The following VIPR2 variants were observed in gnomAD, a reference collection of about 807,000 sequenced individuals.
VIPR2 encodes vasoactive intestinal polypeptide receptor 2.
VIPR2 carries 48 observed loss-of-function variants against 58.0 expected under a neutral mutation model. That is an observed-to-expected ratio of 0.83 (90% CI 0.66 to 1.05). The LOEUF (loss-of-function observed/expected upper bound fraction) is 1.05. Among genes scored for constraint, VIPR2 ranks in the 50% least tolerant of loss-of-function variants. The pLI, the probability that VIPR2 is intolerant of heterozygous loss-of-function variation, is 0.00. For missense variants in VIPR2, 534 were observed against 558.0 expected (o/e 0.96, Z 0.43); for synonymous variants, 243 against 235.2 (o/e 1.03, Z -0.30).
chr7:159,059,762 A>G (rs1243578052), intron 4 of VIPR2, among the ~76,000 whole-genome samples: 1 of 135,068 alleles, frequency 7.4e-6, no homozygotes, highest in Non-Finnish European at 1.7e-5. Flanking sequence ...CAACTTATCT[A>G]ACCCGTACTC....
At chr7:159,041,008 C>T (rs770591044) in intron 6 of VIPR2, among the ~76,000 whole-genome samples, 2 of 152,258 alleles carry the variant, frequency 1.3e-5, no homozygotes, top group South Asian at 2.1e-4. Context: ...CAGAGCTTGA[C>T]TTGGGGCACT....
At chr7:159,061,200 G>T (rs1037253800) in intron 4 of VIPR2, among the ~76,000 whole-genome samples, 1 of 152,138 alleles carries the variant, frequency 6.6e-6, no homozygotes, top group Non-Finnish European at 1.5e-5. Context: ...GAAATGGAGG[G>T]AGAAACGGAG....
At chr7:159,036,372 A>T (rs763896239) in intron 7 of VIPR2, among the ~76,000 whole-genome samples, 1 of 151,984 alleles carries the variant, frequency 6.6e-6, no homozygotes, top group Admixed American at 6.5e-5. Context: ...GGATGTCCCA[A>T]ATTTGCACCC....
At chr7:159,102,051 C>T (rs1435372260) in intron 4 of VIPR2, among the ~76,000 whole-genome samples, 4 of 120,098 alleles carry the variant, frequency 3.3e-5, no homozygotes, top group Non-Finnish European at 7.8e-5. Flanking sequence ...GTGAACGGGT[C>T]TCACGAGATC....
chr7:159,036,038 G>T, intron 7 of VIPR2, 26 bp from the exon 8 acceptor site: 1 of 1,609,952 alleles, frequency 6.2e-7, no homozygotes. Context: ...TGGTTACACA[G>T]GTGGAGCGGA....
intron 4 of VIPR2, among the ~76,000 whole-genome samples, chr7:159,092,387 T>C (rs1411241664): frequency 6.6e-6 from 1 of 152,186 alleles, no homozygotes; most frequent in Non-Finnish European, 1.5e-5. Context: ...GCGACCTGAG[T>C]ACCCCATTTA....
At chr7:159,069,025 C>A (rs890677778) in intron 4 of VIPR2, among the ~76,000 whole-genome samples, 1 of 152,180 alleles carries the variant, frequency 6.6e-6, no homozygotes, top group Non-Finnish European at 1.5e-5. Flanking sequence ...AGTACTACGG[C>A]CTTAGGCTTC....
intron 4 of VIPR2, among the ~76,000 whole-genome samples, chr7:159,070,253 C>T (rs1167506639): frequency 2.6e-5 from 4 of 152,096 alleles, no homozygotes; most frequent in African/African-American, 7.2e-5. Context: ...TCCAAGCAGC[C>T]GCCCCTGCAT....
intron 6 of VIPR2, among the ~76,000 whole-genome samples, chr7:159,041,162 T>C (rs1854304448): frequency 6.6e-6 from 1 of 152,194 alleles, no homozygotes; most frequent in Non-Finnish European, 1.5e-5. Context: ...CGAATGAGTG[T>C]TCACCCAGTG....
Position 159,096,897 on chromosome 7 carries a change from T to C in VIPR2, c.357+6860A>G, listed in dbSNP as rs1857884292. On this transcript the variant is annotated intron_variant, in intron 4 of 12. Transcript: ENST00000262178. The surrounding 1 kb of genome is among the most constrained non-coding windows in gnomAD (Gnocchi z 5.5). ...ACCACCCTCTCTGTGGCCGCCTTGC[T>C]GTCCCCGTTCCCATCACTCGATGAG... 1.9e-6 allele frequency: 3 copies of C among 1,549,870 alleles called. No homozygotes were observed. The highest frequency in any genetic ancestry group is 2.6e-6 in the Non-Finnish European group (3 of 1,146,650).
chr7:159,062,756 A>G (rs1214886536), intron 4 of VIPR2, among the ~76,000 whole-genome samples: 1 of 152,204 alleles, frequency 6.6e-6, no homozygotes, highest in Non-Finnish European at 1.5e-5. Flanking sequence ...AATTGTCTCT[A>G]CAGGCTCCGG....
chr7:159,139,393 C>T (rs1322252712), intron 2 of VIPR2, among the ~76,000 whole-genome samples: 1 of 152,170 alleles, frequency 6.6e-6, no homozygotes, highest in African/African-American at 2.4e-5. Flanking sequence ...AACCCGTGCG[C>T]ACACGCAGCT....
In VIPR2 at chr7:159,030,229, C is replaced by T. The variant is rs1853452439; in HGVS notation, c.*387G>A. On this transcript the variant is annotated 3_prime_UTR_variant, in exon 13 of 13. Transcript: ENST00000262178. ...GCGTGTTGGCGGGCGCCTGTAGTCC[C>T]AGCTATGGGAGGCTGAGGCAGGAGA... 5.1e-6 allele frequency: 1 copy of T among 194,362 alleles called. No homozygotes were observed. The highest frequency in any genetic ancestry group is 1.0e-5 in the Non-Finnish European group (1 of 97,536). 12.0% of individuals were successfully genotyped at this position (194,362 alleles called of 1,614,324 possible).
At chr7:159,123,170 G>C (rs1452330320) in intron 2 of VIPR2, among the ~76,000 whole-genome samples, 1 of 151,792 alleles carries the variant, frequency 6.6e-6, no homozygotes, top group African/African-American at 2.4e-5. Context: ...GCGTGCACCT[G>C]TGGTCCCAGC....
At chr7:159,061,703 C>G (rs1387560791) in intron 4 of VIPR2, among the ~76,000 whole-genome samples, 1 of 152,206 alleles carries the variant, frequency 6.6e-6, no homozygotes. Flanking sequence ...TCCATACTTC[C>G]ACCCTTACTC....
At chr7:159,036,125 T>G (rs1853939202) in intron 7 of VIPR2, 113 bp from the exon 8 acceptor site, 1 of 1,228,524 alleles carries the variant, frequency 8.1e-7, no homozygotes, top group Admixed American at 2.8e-5. Flanking sequence ...GAATATTAAG[T>G]GCAATCTCTT....
chr7:159,144,040 C>G (rs1395578240), intron 1 of VIPR2, among the ~76,000 whole-genome samples: 1 of 152,228 alleles, frequency 6.6e-6, no homozygotes, highest in African/African-American at 2.4e-5. Flanking sequence ...GCGACGCGCA[C>G]GAAAACCGCG....
chr7:159,106,806 C>G (rs1343401490), intron 3 of VIPR2, among the ~76,000 whole-genome samples: 24 of 129,532 alleles, frequency 1.9e-4, no homozygotes, highest in Admixed American at 4.0e-4. Flanking sequence ...CGGGGAGGTA[C>G]AGAGAGAGGC....
intron 2 of VIPR2, among the ~76,000 whole-genome samples, chr7:159,137,660 T>C (rs773779194): frequency 5.3e-5 from 8 of 152,176 alleles, no homozygotes; most frequent in Non-Finnish European, 7.3e-5. Flanking sequence ...CATGAGCCCA[T>C]TGCACCAGGC....
Sources: gnomAD v4.1 joint callset for allele counts (sites outside exome capture counted in the v4.1 genomes callset) on GRCh38, gnomAD v4.1.1 for gene constraint, Gnocchi (gnomAD v3.1) non-coding constraint, MANE v1.5 for transcripts, NCBI Gene and HGNC (gene_info 2026-07-23, HGNC 2026-07-21) for gene names.